BZW2: variants seen among roughly 807,000 people sequenced by gnomAD.
BZW2 encodes the protein basic leucine zipper and W2 domains 2, also known as eIF5-mimic protein 1.
A neutral mutation model predicts 53.2 loss-of-function variants in BZW2; 23 were observed. That is an observed-to-expected ratio of 0.43 (90% CI 0.31 to 0.61). BZW2 has a LOEUF of 0.61. Among genes scored for constraint, BZW2 ranks in the 20% least tolerant of loss-of-function variants. The pLI is 0.09. For synonymous variants in BZW2, 227 were observed against 186.4 expected, an observed-to-expected ratio of 1.22 and a Z score of -1.77; for missense variants, 409 against 503.1, an observed-to-expected ratio of 0.81 and a Z score of 1.79.
At chr7:16,683,682 C>G (rs1453808756) in intron 5 of BZW2, among the ~76,000 whole-genome samples, 2 of 152,170 alleles carry the variant, frequency 1.3e-5, no homozygotes, top group Non-Finnish European at 2.9e-5. Context: ...TGCATGTTCC[C>G]TCTTCCAATT....
At chr7:16,698,770 A>G (rs1273125629) in intron 10 of BZW2, among the ~76,000 whole-genome samples, 4 of 152,160 alleles carry the variant, frequency 2.6e-5, no homozygotes, top group African/African-American at 9.7e-5. Flanking sequence ...ACCGATCCCA[A>G]TCTGTATACC....
intron 1 of BZW2, among the ~76,000 whole-genome samples, chr7:16,660,403 A>T: frequency 6.6e-6 from 1 of 150,484 alleles, no homozygotes; most frequent in African/African-American, 2.4e-5. Flanking sequence ...CCATATTTAA[A>T]AAAAAAAAAA....
chr7:16,692,762 TCAAAA>T (rs1014723395), intron 7 of BZW2, among the ~76,000 whole-genome samples: 32 of 152,264 alleles, frequency 2.1e-4, no homozygotes, highest in African/African-American at 4.3e-4. Flanking sequence ...AGACTCCGTC[TCAAAA>T]CAAAACAAAA....
intron 10 of BZW2, among the ~76,000 whole-genome samples, chr7:16,704,327 TAAG>T (rs1783767007): frequency 1.3e-5 from 2 of 152,188 alleles, no homozygotes; most frequent in African/African-American, 4.8e-5. Flanking sequence ...ATATCATGCC[TAAG>T]AAGATGTATA....
At chr7:16,688,285 TC>T (rs1251774302) in intron 6 of BZW2, among the ~76,000 whole-genome samples, 1 of 152,252 alleles carries the variant, frequency 6.6e-6, no homozygotes, top group Non-Finnish European at 1.5e-5. Flanking sequence ...ATTAACTTCA[TC>T]CCAAGGATGG....
intron 1 of BZW2, among the ~76,000 whole-genome samples, chr7:16,651,622 A>T (rs1781985577): frequency 6.6e-6 from 1 of 152,178 alleles, no homozygotes; most frequent in Non-Finnish European, 1.5e-5. Flanking sequence ...GAGTGTGAAG[A>T]TTGTGTTTGT....
At position 16,664,454 on chromosome 7, in the gene BZW2, C is replaced by G. The variant is rs992385694; in HGVS notation, c.-7-983C>G. Among the ~76,000 whole-genome samples the G allele has an allele frequency of 3.9e-5, 6 of 152,124 alleles. 1 individual carries two copies. The East Asian group carries it at 1.2e-3, about 29-fold the overall frequency. ...AGATAGCCATGTGGACAGCTGGGGA[C>G]GATCTTTCCTGAAAGAGAGGCAGGA... On this transcript the variant is annotated intron_variant, in intron 1 of 11. Coordinates refer to ENST00000258761, the MANE Select transcript of BZW2 (RefSeq NM_014038.3).
chr7:16,652,749 A>G (rs1583697546), intron 1 of BZW2, among the ~76,000 whole-genome samples: 1 of 151,850 alleles, frequency 6.6e-6, no homozygotes, highest in Non-Finnish European at 1.5e-5. Flanking sequence ...GGTTTCGAAC[A>G]CCTGACCTCA....
At chr7:16,690,680 A>T (rs1398584296) in intron 7 of BZW2, among the ~76,000 whole-genome samples, 1 of 152,234 alleles carries the variant, frequency 6.6e-6, no homozygotes. Context: ...TTCCCTGGAA[A>T]TACTTAAGCT....
intron 11 of BZW2, among the ~76,000 whole-genome samples, 175 bp downstream of exon 11, chr7:16,704,844 A>G (rs1304938633): frequency 6.6e-6 from 1 of 152,226 alleles, no homozygotes; most frequent in Non-Finnish European, 1.5e-5. Context: ...CACGGCAATA[A>G]AAATCTCTAC....
chr7:16,680,361 T>G (rs1782904355), intron 3 of BZW2, among the ~76,000 whole-genome samples: 1 of 152,244 alleles, frequency 6.6e-6, no homozygotes, highest in Non-Finnish European at 1.5e-5. Flanking sequence ...GAATAAATGT[T>G]GTTCTTTGCT....
intron 7 of BZW2, among the ~76,000 whole-genome samples, chr7:16,693,441 T>G (rs999146475): frequency 1.8e-4 from 27 of 152,214 alleles, no homozygotes; most frequent in Non-Finnish European, 1.2e-4. Context: ...AATCAAACTT[T>G]GCAGTCACAC....
At position 16,698,454 on chromosome 7, in the gene BZW2, A is replaced by G. The variant is rs71540763; in HGVS notation, c.1108+268A>G. Among the ~76,000 whole-genome samples the G allele has an allele frequency of 0.14, 20,889 of 152,148 alleles. 1,604 individuals are homozygous for G. The highest frequency in any genetic ancestry group is 0.24 in the Middle Eastern group (70 of 294). ...GGTAATTGTTTCTTGGGGTTGGTGGAAAAAAAATGTAATTATATAAAATTG... is the reference window on the plus strand; with the variant it reads ...GGTAATTGTTTCTTGGGGTTGGTGGGAAAAAAATGTAATTATATAAAATTG... On this transcript the variant is annotated intron_variant, in intron 10 of 11. Coordinates refer to ENST00000258761, the MANE Select transcript of BZW2 (RefSeq NM_014038.3).
chr7:16,706,019 G>C, intron 11 of BZW2, 41 bp from the exon 12 acceptor site: 1 of 1,612,480 alleles, frequency 6.2e-7, no homozygotes, highest in South Asian at 1.1e-5. Flanking sequence ...TTAATTAGAG[G>C]AATCTGGGAG....
chr7:16,669,031 G>A (rs1782519669), intron 2 of BZW2, among the ~76,000 whole-genome samples: 1 of 152,164 alleles, frequency 6.6e-6, no homozygotes, highest in Admixed American at 6.5e-5. Flanking sequence ...ATTACAATTA[G>A]TGAAAACAAG....
chr7:16,665,347 G>T, intron 1 of BZW2, 90 bp from the exon 2 acceptor site: 1 of 1,452,620 alleles, frequency 6.9e-7, no homozygotes, highest in South Asian at 1.2e-5. Context: ...GAGTGAGGTT[G>T]AACATATGTT....
intron 3 of BZW2, among the ~76,000 whole-genome samples, chr7:16,676,632 G>A (rs1771817756): frequency 6.6e-6 from 1 of 152,134 alleles, no homozygotes; most frequent in Admixed American, 6.5e-5. Context: ...CTGTCAATTA[G>A]GTAAGGGATG....
rs1783430219 is a variant in BZW2, at chr7:16,694,875, T to C, written c.693T>C (p.Ala231=). The change falls in exon 8 of 12, where the codon GCT becomes GCC. Residue 231 remains alanine (A), a synonymous_variant. Coordinates refer to ENST00000258761, the MANE Select transcript of BZW2 (RefSeq NM_014038.3). ...PVNRQSVDHF[A]KYFTDAGLKE... is the part of the protein sequence containing the mutation. The stretch of plus-strand genomic sequence containing the variant: ...ACAGACAGAGTGTGGATCATTTTGC[T>C]AAATACTTCACTGACGCAGGTCTTA... 2 of 1,564,292 alleles carry C rather than the reference T, an allele frequency of 1.3e-6. No homozygotes were observed. Among genetic ancestry groups the C allele is most frequent in the Non-Finnish European group, 1.8e-6 (2 of 1,142,450 alleles).
intron 1 of BZW2, among the ~76,000 whole-genome samples, chr7:16,653,839 T>C (rs758048580): frequency 8.5e-5 from 13 of 152,154 alleles, no homozygotes; most frequent in Non-Finnish European, 1.2e-4. Flanking sequence ...GAGTGAAAGA[T>C]TGGGAAGAGC....
Sources: gnomAD v4.1 joint callset for allele counts (sites outside exome capture counted in the v4.1 genomes callset) on GRCh38, gnomAD v4.1.1 for gene constraint, MANE v1.5 for transcripts, NCBI Gene and HGNC (gene_info 2026-07-23, HGNC 2026-07-21) for gene names.